Variants in TACC1 observed in about 807,000 individuals in gnomAD.
TACC1 encodes the protein transforming acidic coiled-coil-containing protein 1.
Under a neutral mutation model 84.4 loss-of-function variants are expected in TACC1, and 48 were observed. The ratio of observed to expected loss-of-function variants is 0.57; its 90% CI spans 0.45 to 0.72. The LOEUF is 0.72. Among genes scored for constraint, TACC1 ranks in the 30% least tolerant of loss-of-function variants. The pLI is 0.00. For missense variants in TACC1, 920 were observed against 973.0 expected (o/e 0.95, Z 0.72); for synonymous variants, 372 against 376.3 (o/e 0.99, Z 0.13).
intron 3 of TACC1, among the ~76,000 whole-genome samples, chr8:38,759,364 T>C (rs1810754528): frequency 6.6e-6 from 1 of 152,226 alleles, no homozygotes; most frequent in Non-Finnish European, 1.5e-5. Context: ...GACTATTTTT[T>C]GTAAATGTGT....
intron 3 of TACC1, among the ~76,000 whole-genome samples, chr8:38,746,144 T>A (rs1563758746): frequency 6.6e-6 from 1 of 152,156 alleles, no homozygotes; most frequent in Non-Finnish European, 1.5e-5. Flanking sequence ...GTTATGTTAT[T>A]TTATAGTTTT....
chr8:38,811,551 T>C (rs933541631), intron 2 of TACC1, among the ~76,000 whole-genome samples: 2 of 152,238 alleles, frequency 1.3e-5, no homozygotes, highest in Non-Finnish European at 2.9e-5. Context: ...CTTATGCCTG[T>C]CTTTACTGCA....
At position 38,729,133 on chromosome 8, in the gene TACC1, A is replaced by G. The variant is rs191821078; in HGVS notation, c.-675+462A>G. ...CAGGGCTGGGAAAAGCATTCTCACC[A>G]CGGTGAACGGGGCGCGGCTGTTTTC... is the stretch of plus-strand genomic sequence containing the variant. On this transcript the variant is annotated intron_variant, in intron 1 of 14. Coordinates refer to the TACC1 transcript ENST00000518415. Among the ~76,000 whole-genome samples the G allele has an allele frequency of 1.9e-4, 29 of 152,102 alleles. No individual in the cohort carries two copies. In the East Asian group the frequency reaches 4.7e-3, roughly 24 times the overall value.
In TACC1 at chr8:38,852,299, T is replaced by G. The variant is rs1327568664; in HGVS notation, c.*4276T>G. 4.6e-6 allele frequency: 1 copy of G among 217,086 alleles called. No homozygotes were observed. The highest frequency in any genetic ancestry group is 9.6e-6 in the Non-Finnish European group (1 of 104,356). The allele number at this position is 217,086 out of a possible 1,614,324, so 13.4% of individuals were successfully genotyped here. A position where few individuals can be genotyped will look rare whatever the true frequency, so the allele number is the denominator to read the frequency against. On this transcript the variant is annotated 3_prime_UTR_variant, in exon 13 of 13. Transcript: ENST00000317827. ...TCTGGTTATAGTTCTAATATGGAGA[T>G]GTTGTGTGCAATGCTGGCCTGTGGT...
chr8:38,744,312 C>T (rs1807642981), intron 2 of TACC1, among the ~76,000 whole-genome samples: 1 of 152,072 alleles, frequency 6.6e-6, no homozygotes. Context: ...GACGGGGATT[C>T]ACCATCTTGG....
At chr8:38,771,880 C>A (rs1813688821) in intron 3 of TACC1, among the ~76,000 whole-genome samples, 1 of 152,146 alleles carries the variant, frequency 6.6e-6, no homozygotes, top group African/African-American at 2.4e-5. Context: ...GTGAGGACTA[C>A]AATCACACGC....
At chr8:38,781,783 A>G (rs543522653) in intron 3 of TACC1, among the ~76,000 whole-genome samples, 80 of 152,282 alleles carry the variant, frequency 5.3e-4, no homozygotes, top group African/African-American at 1.8e-3. Context: ...TAAAGCAGAT[A>G]TCTCAAATTT....
chr8:38,814,895 G>T (rs1825062982), intron 2 of TACC1, among the ~76,000 whole-genome samples: 1 of 152,130 alleles, frequency 6.6e-6, no homozygotes, highest in African/African-American at 2.4e-5. Context: ...TTTATAAATT[G>T]TACACAAGAA....
At chr8:38,817,520 C>T (rs1051500466) in intron 2 of TACC1, among the ~76,000 whole-genome samples, 7 of 152,134 alleles carry the variant, frequency 4.6e-5, no homozygotes, top group South Asian at 4.1e-4. Flanking sequence ...TATACCTATT[C>T]CTGGACAACA....
chr8:38,735,147 A>C (rs184049478), intron 1 of TACC1, among the ~76,000 whole-genome samples: 187 of 152,300 alleles, frequency 1.2e-3, no homozygotes, highest in African/African-American at 4.2e-3. Context: ...AAAGCATGAG[A>C]TCTGCTTTTA....
chr8:38,769,308 TGG>T (rs1216472825), intron 3 of TACC1, among the ~76,000 whole-genome samples: 1 of 111,442 alleles, frequency 9.0e-6, no homozygotes, highest in Non-Finnish European at 1.8e-5. Flanking sequence ...CTGTGTATGG[TGG>T]GGGGTGTGTG....
At chr8:38,818,978 A>AGG (rs1328546387) in intron 2 of TACC1, among the ~76,000 whole-genome samples, 1 of 152,130 alleles carries the variant, frequency 6.6e-6, no homozygotes, top group Non-Finnish European at 1.5e-5. Context: ...GGGTTTCACC[A>AGG]TGTTGGCCAG....
chr8:38,750,495 C>T (rs1007840309), intron 3 of TACC1, among the ~76,000 whole-genome samples: 4 of 152,114 alleles, frequency 2.6e-5, no homozygotes, highest in Admixed American at 2.6e-4. Flanking sequence ...AAAAATAAGG[C>T]ATACATGCTA....
At chr8:38,836,021 T>A (rs993576717) in intron 6 of TACC1, 141 bp from the exon 7 acceptor site, 1 of 1,151,098 alleles carries the variant, frequency 8.7e-7, no homozygotes, top group Non-Finnish European at 1.2e-6. Flanking sequence ...ATTTGTTTTT[T>A]AAAAAGCTTC....
intron 2 of TACC1, among the ~76,000 whole-genome samples, chr8:38,811,161 AT>A (rs1327871474): frequency 6.6e-6 from 1 of 151,958 alleles, no homozygotes; most frequent in Non-Finnish European, 1.5e-5. Flanking sequence ...TATGTTTAAA[AT>A]TTTTTTGAAA....
chr8:38,768,709 T>G (rs1812782840), intron 3 of TACC1, among the ~76,000 whole-genome samples: 1 of 151,498 alleles, frequency 6.6e-6, no homozygotes, highest in African/African-American at 2.4e-5. Context: ...GGGGTATATG[T>G]GCAATGTGTG....
intron 3 of TACC1, among the ~76,000 whole-genome samples, chr8:38,772,583 AG>A (rs1813861604): frequency 6.6e-6 from 1 of 152,228 alleles, no homozygotes. Flanking sequence ...GATCCCAATG[AG>A]GGGTCAGGAC....
intron 2 of TACC1, among the ~76,000 whole-genome samples, chr8:38,812,474 G>A (rs1265960166): frequency 6.6e-6 from 1 of 152,064 alleles, no homozygotes; most frequent in Non-Finnish European, 1.5e-5. Context: ...AAAATAGAAA[G>A]AACCTACGTT....
At chr8:38,816,128 G>A (rs1825390280) in intron 2 of TACC1, among the ~76,000 whole-genome samples, 1 of 152,110 alleles carries the variant, frequency 6.6e-6, no homozygotes, top group African/African-American at 2.4e-5. Flanking sequence ...GTCTGTAAGA[G>A]GAGCAGAGGG....
Sources: gnomAD v4.1 joint callset for allele counts (sites outside exome capture counted in the v4.1 genomes callset) on GRCh38, gnomAD v4.1.1 for gene constraint, MANE v1.5 for transcripts, NCBI Gene and HGNC (gene_info 2026-07-23, HGNC 2026-07-21) for gene names.